Variants in RAP1GAP2 observed in about 807,000 individuals in gnomAD.
RAP1GAP2 encodes RAP1 GTPase activating protein 2.
RAP1GAP2 carries 27 observed loss-of-function variants against 95.0 expected under a neutral mutation model. The ratio of observed to expected loss-of-function variants is 0.28; its 90% CI spans 0.21 to 0.39. The LOEUF (loss-of-function observed/expected upper bound fraction) is 0.39. Ranked by LOEUF, RAP1GAP2 falls within the 10% of genes least tolerant of loss-of-function variation. The pLI, the probability that RAP1GAP2 is intolerant of heterozygous loss-of-function variation, is 1.00. For synonymous variants in RAP1GAP2, 373 were observed against 380.9 expected, an observed-to-expected ratio of 0.98 and a Z score of 0.24; for missense variants, 771 against 970.0, an observed-to-expected ratio of 0.79 and a Z score of 2.72.
At chr17:2,847,877 G>T (rs1021732593) in intron 2 of RAP1GAP2, among the ~76,000 whole-genome samples, 2 of 152,082 alleles carry the variant, frequency 1.3e-5, no homozygotes, top group Non-Finnish European at 2.9e-5. Context: ...CTTCCTGTTC[G>T]TCAGAAATTT....
intron 2 of RAP1GAP2, among the ~76,000 whole-genome samples, chr17:2,815,353 G>A (rs1382662004): frequency 6.6e-6 from 1 of 152,126 alleles, no homozygotes; most frequent in Non-Finnish European, 1.5e-5. Flanking sequence ...ACCTGCACGT[G>A]GGTGCGCTTG....
At chr17:3,022,467 A>G (rs1463138301) in intron 19 of RAP1GAP2, among the ~76,000 whole-genome samples, 1 of 152,174 alleles carries the variant, frequency 6.6e-6, no homozygotes, top group East Asian at 1.9e-4. Context: ...TTACATTTAC[A>G]TTTCTTTGAT....
intron 2 of RAP1GAP2, among the ~76,000 whole-genome samples, chr17:2,823,636 C>G (rs1282594376): frequency 1.3e-5 from 2 of 152,098 alleles, no homozygotes; most frequent in African/African-American, 4.8e-5. Context: ...CGTCAGAACC[C>G]ACAGCTCACA....
chr17:2,826,228 C>T (rs903189316), intron 2 of RAP1GAP2, among the ~76,000 whole-genome samples: 6 of 147,314 alleles, frequency 4.1e-5, no homozygotes, highest in African/African-American at 1.5e-4. Flanking sequence ...ATCTCCTAAC[C>T]TCGTGATCTC....
chr17:2,897,792 G>C (rs141432431), intron 2 of RAP1GAP2, among the ~76,000 whole-genome samples: 4 of 152,126 alleles, frequency 2.6e-5, no homozygotes, highest in Admixed American at 6.6e-5. Flanking sequence ...CAGCCTCCAC[G>C]TGCTTGTCTG....
chr17:2,849,216 G>A (rs533619632), intron 2 of RAP1GAP2, among the ~76,000 whole-genome samples: 2 of 152,168 alleles, frequency 1.3e-5, no homozygotes, highest in Admixed American at 6.5e-5. Context: ...GGGGCAAGGC[G>A]TTTGAAGACA....
chr17:2,861,069 G>A (rs761686680), intron 2 of RAP1GAP2, among the ~76,000 whole-genome samples: 1 of 151,958 alleles, frequency 6.6e-6, no homozygotes, highest in South Asian at 2.1e-4. Context: ...TGGCAGGCTC[G>A]CCCCTGCCAC....
intron 12 of RAP1GAP2, among the ~76,000 whole-genome samples, chr17:2,991,697 C>T (rs2045758686): frequency 6.6e-6 from 1 of 152,210 alleles, no homozygotes; most frequent in Non-Finnish European, 1.5e-5. Flanking sequence ...CTGTCACTCA[C>T]CTGCCAGGTG....
intron 2 of RAP1GAP2, among the ~76,000 whole-genome samples, chr17:2,815,331 GATA>G (rs1220455763): frequency 1.3e-5 from 2 of 152,138 alleles, no homozygotes; most frequent in African/African-American, 4.8e-5. Context: ...TTTGTCTGAG[GATA>G]ATAACAGTAC....
At position 2,904,658 on chromosome 17, in the gene RAP1GAP2, G is replaced by C. The variant is rs568969121; in HGVS notation, c.81-626G>C. Among the ~76,000 whole-genome samples the C allele has an allele frequency of 6.6e-6, 1 of 151,516 alleles. No individual in the cohort carries two copies. The highest frequency in any genetic ancestry group is 1.5e-5 in the Non-Finnish European group (1 of 67,928). ...CCCAGTCCTGGATCTCTTTAGCCCC[G>C]TGGTTCTCAGACTTTGCCGTGTAGC... On this transcript the variant is annotated intron_variant, in intron 2 of 24. Transcript: ENST00000254695. The surrounding 1 kb of genome is among the most constrained non-coding windows in gnomAD (Gnocchi z 4.7).
intron 2 of RAP1GAP2, among the ~76,000 whole-genome samples, chr17:2,802,164 G>A (rs1445889755): frequency 6.6e-6 from 1 of 152,128 alleles, no homozygotes; most frequent in East Asian, 1.9e-4. Flanking sequence ...CCCCCATCTC[G>A]GCAGAAGGTT....
At chr17:3,021,596 G>A (rs569915890) in intron 19 of RAP1GAP2, among the ~76,000 whole-genome samples, 7 of 152,098 alleles carry the variant, frequency 4.6e-5, no homozygotes, top group South Asian at 4.1e-4. Context: ...CCACCACACC[G>A]GCTAATTTTT....
intron 1 of RAP1GAP2, among the ~76,000 whole-genome samples, chr17:2,757,778 A>G (rs1213195311): frequency 6.6e-6 from 1 of 152,172 alleles, no homozygotes; most frequent in African/African-American, 2.4e-5. Context: ...TTTAAGGCGT[A>G]GAGCTTGGAT....
chr17:2,980,360 G>A lies in RAP1GAP2; in HGVS notation c.670G>A (p.Ala224Thr). The change falls in exon 9 of 25, where the codon GCA (alanine) becomes ACA (threonine). Residue 224 changes from alanine to threonine, a missense_variant. Coordinates refer to ENST00000254695, the MANE Select transcript of RAP1GAP2 (RefSeq NM_015085.5). ...LSKLPSVPQI[A>T]KAFCDDAVGL... is the part of the protein sequence containing the mutation. ...CAAGCTTCCCAGTGTCCCTCAGATT[G>A]CAAAGGTGAGAAACCAACCCGTGAG... 1 of 1,613,806 alleles carries A rather than the reference G, an allele frequency of 6.2e-7. No homozygotes were observed.
At position 2,981,190 on chromosome 17, in the gene RAP1GAP2, C is replaced by G; in HGVS notation, c.676-5C>G. On this transcript the variant is annotated splice_polypyrimidine_tract_variant and splice_region_variant and intron_variant, in intron 9 of 24. Transcript: ENST00000254695. Reference sequence around the variant, plus strand: ...CCTGACCTGCGTCTTCTTCTCCCTTCTCAGGCTTTCTGTGATGATGCAGTG... The same window carrying G: ...CCTGACCTGCGTCTTCTTCTCCCTTGTCAGGCTTTCTGTGATGATGCAGTG... The G allele has an allele frequency of 6.2e-7, 1 of 1,612,164 alleles. No individual in the cohort carries two copies. The highest frequency in any genetic ancestry group is 8.5e-7 in the Non-Finnish European group (1 of 1,178,974).
At chr17:2,985,886 A>G (rs930736205) in intron 11 of RAP1GAP2, among the ~76,000 whole-genome samples, 1 of 151,898 alleles carries the variant, frequency 6.6e-6, no homozygotes, top group African/African-American at 2.4e-5. Context: ...CATCTTCCCT[A>G]CCTCTTTCCT....
chr17:2,937,847 C>G (rs1394457440), intron 3 of RAP1GAP2, among the ~76,000 whole-genome samples: 1 of 152,142 alleles, frequency 6.6e-6, no homozygotes. Context: ...TTTAAGCCCC[C>G]GGGGATGGAC....
At chr17:2,942,129 A>T (rs555390299) in intron 3 of RAP1GAP2, among the ~76,000 whole-genome samples, 2 of 152,218 alleles carry the variant, frequency 1.3e-5, no homozygotes, top group African/African-American at 4.8e-5. Context: ...ACCTTGATGG[A>T]TCTGAATTTG....
chr17:2,877,926 G>T (rs1476472637), intron 2 of RAP1GAP2, among the ~76,000 whole-genome samples: 2 of 152,136 alleles, frequency 1.3e-5, no homozygotes, highest in East Asian at 3.9e-4. Context: ...GGATCCTGGA[G>T]ATTGGCTGGG....
Sources: gnomAD v4.1 joint callset for allele counts (sites outside exome capture counted in the v4.1 genomes callset) on GRCh38, gnomAD v4.1.1 for gene constraint, Gnocchi (gnomAD v3.1) non-coding constraint, MANE v1.5 for transcripts, NCBI Gene and HGNC (gene_info 2026-07-23, HGNC 2026-07-21) for gene names.